PRKG1: variants seen among roughly 807,000 people sequenced by gnomAD.
PRKG1 encodes protein kinase cGMP-dependent 1, also known as cGMP-dependent protein kinase 1.
PRKG1 carries 35 observed loss-of-function variants against 88.1 expected under a neutral mutation model. The ratio of observed to expected loss-of-function variants is 0.40; its 90% CI spans 0.30 to 0.53. PRKG1 has a LOEUF of 0.53. PRKG1 is among the 20% of genes least tolerant of loss of function. The probability of loss-of-function intolerance (pLI) is 0.59; values close to 1 mark genes in which losing one functional copy is unlikely to be tolerated. For missense variants in PRKG1, 540 were observed against 839.8 expected, an observed-to-expected ratio of 0.64 and a Z score of 4.41; for synonymous variants, 303 against 292.5, an observed-to-expected ratio of 1.04 and a Z score of -0.37.
intron 1 of PRKG1, among the ~76,000 whole-genome samples, chr10:51,094,802 G>A (rs1844490243): frequency 6.6e-6 from 1 of 152,052 alleles, no homozygotes; most frequent in Non-Finnish European, 1.5e-5. Context: ...TTTGATTTTG[G>A]CTTTATGTGT....
At chr10:51,040,280 T>A (rs1421815944) in intron 1 of PRKG1, among the ~76,000 whole-genome samples, 1 of 140,934 alleles carries the variant, frequency 7.1e-6, no homozygotes, top group East Asian at 2.1e-4. Context: ...GTGACCTCTT[T>A]AATTTCTTTC....
intron 4 of PRKG1, among the ~76,000 whole-genome samples, chr10:51,839,751 A>T (rs1039320229): frequency 6.6e-6 from 1 of 152,142 alleles, no homozygotes; most frequent in Non-Finnish European, 1.5e-5. Flanking sequence ...GTCGTTCTTT[A>T]GGTGAAGTAA....
chr10:51,563,081 G>T (rs1407345843), intron 3 of PRKG1, among the ~76,000 whole-genome samples: 5 of 152,038 alleles, frequency 3.3e-5, no homozygotes, highest in Non-Finnish European at 7.4e-5. Flanking sequence ...CACCTAACCA[G>T]CATCATACTT....
chr10:51,838,772 A>AT (rs1246025724), intron 4 of PRKG1, among the ~76,000 whole-genome samples: 1 of 152,118 alleles, frequency 6.6e-6, no homozygotes, highest in Non-Finnish European at 1.5e-5. Context: ...AGAAAAAAAA[A>AT]ATCACGCTAC....
chr10:51,263,726 G>A (rs1839773075), intron 2 of PRKG1, among the ~76,000 whole-genome samples: 1 of 152,178 alleles, frequency 6.6e-6, no homozygotes, highest in Non-Finnish European at 1.5e-5. Context: ...GAAAAGGAGT[G>A]ATATTTTTTA....
rs960659130 is a variant in PRKG1, at chr10:52,248,843, G to T, written c.1077-2727G>T. ...AAAGTAACTGCCTTATAACTTTTGC[G>T]CCCTGTATCTGCCTTTTGTTAGCAA... On this transcript the variant is annotated intron_variant, in intron 9 of 17. Coordinates refer to ENST00000373980, the MANE Select transcript of PRKG1 (RefSeq NM_006258.4). Among the ~76,000 whole-genome samples the T allele has an allele frequency of 4.6e-5, 7 of 151,882 alleles. 1 individual carries two copies. The East Asian group carries it at 1.4e-3, about 29-fold the overall frequency.
In PRKG1 at chr10:51,623,848, T is replaced by C. The variant is rs74638307; in HGVS notation, c.592+156012T>C. Among the ~76,000 whole-genome samples, 35 of 152,254 alleles carry C rather than the reference T, an allele frequency of 2.3e-4. No individual in the cohort carries two copies. In the East Asian group the frequency reaches 6.6e-3, roughly 29 times the overall value. On this transcript the variant is annotated intron_variant, in intron 3 of 17. Coordinates refer to ENST00000373980, the MANE Select transcript of PRKG1 (RefSeq NM_006258.4). ...CCTGAAGCTGGTGATCACTCTGACG[T>C]TGGGTTCTAATGTTTTGTTTTGCTT...
intron 2 of PRKG1, among the ~76,000 whole-genome samples, chr10:51,166,164 C>A (rs1043217977): frequency 6.6e-6 from 1 of 151,526 alleles, no homozygotes; most frequent in Non-Finnish European, 1.5e-5. Flanking sequence ...TTTATGCGAT[C>A]CTTGATGGTT....
chr10:51,737,771 A>ATTATTATTG (rs1837327296), intron 3 of PRKG1, among the ~76,000 whole-genome samples: 1 of 140,140 alleles, frequency 7.1e-6, no homozygotes, highest in East Asian at 2.0e-4. Context: ...TATTATTATT[A>ATTATTATTG]TTATTTTCTG....
chr10:51,180,891 T>C (rs1033008605), intron 2 of PRKG1, among the ~76,000 whole-genome samples: 2 of 152,228 alleles, frequency 1.3e-5, no homozygotes, highest in Non-Finnish European at 2.9e-5. Context: ...TATGTGTTCT[T>C]AATTTCTGTA....
chr10:51,969,970 C>T (rs1010005624), intron 5 of PRKG1, among the ~76,000 whole-genome samples: 4 of 150,160 alleles, frequency 2.7e-5, no homozygotes, highest in African/African-American at 9.8e-5. Context: ...CTAAATTTTA[C>T]TCTGTTTGCT....
chr10:51,811,640 C>T (rs568801863), intron 4 of PRKG1, among the ~76,000 whole-genome samples: 2 of 152,114 alleles, frequency 1.3e-5, no homozygotes, highest in Non-Finnish European at 2.9e-5. Context: ...TGAAATTTTA[C>T]TATCCCAGAA....
At chr10:52,261,811 T>C (rs1050515347) in intron 10 of PRKG1, among the ~76,000 whole-genome samples, 15 of 152,118 alleles carry the variant, frequency 9.9e-5, no homozygotes, top group Middle Eastern at 3.2e-3. Flanking sequence ...TATTTTTTGT[T>C]ATTGTTGTTG....
At chr10:51,041,974 C>A (rs930661147) in intron 1 of PRKG1, among the ~76,000 whole-genome samples, 1 of 152,168 alleles carries the variant, frequency 6.6e-6, no homozygotes, top group Non-Finnish European at 1.5e-5. Flanking sequence ...GGACAGGGAG[C>A]ACACCCTGCC....
intron 2 of PRKG1, among the ~76,000 whole-genome samples, chr10:51,426,213 A>G (rs915496914): frequency 1.3e-5 from 2 of 152,070 alleles, no homozygotes; most frequent in African/African-American, 4.8e-5. Context: ...CCTGGGAGGC[A>G]GAGGTTGCAG....
intron 5 of PRKG1, among the ~76,000 whole-genome samples, chr10:51,931,151 T>C (rs955665488): frequency 1.3e-5 from 2 of 152,186 alleles, no homozygotes; most frequent in Non-Finnish European, 2.9e-5. Flanking sequence ...AACTGAATAT[T>C]CAATTTTTGT....
intron 2 of PRKG1, among the ~76,000 whole-genome samples, chr10:51,192,765 G>A (rs1029588441): frequency 6.6e-6 from 1 of 151,840 alleles, no homozygotes; most frequent in Non-Finnish European, 1.5e-5. Context: ...CTTGGAAAAA[G>A]GGACCACTTG....
At chr10:52,258,876 A>T (rs1841367618) in intron 10 of PRKG1, among the ~76,000 whole-genome samples, 1 of 152,082 alleles carries the variant, frequency 6.6e-6, no homozygotes, top group Non-Finnish European at 1.5e-5. Flanking sequence ...GCCTGGGAAG[A>T]TATACAGAAC....
chr10:51,698,730 C>T (rs373764648), intron 3 of PRKG1: 15 of 1,614,084 alleles, frequency 9.3e-6, no homozygotes, highest in African/African-American at 2.7e-5. Flanking sequence ...GGACCAGCTC[C>T]GGGAACTGCA....
Sources: gnomAD v4.1 joint callset for allele counts (sites outside exome capture counted in the v4.1 genomes callset) on GRCh38, gnomAD v4.1.1 for gene constraint, MANE v1.5 for transcripts, NCBI Gene and HGNC (gene_info 2026-07-23, HGNC 2026-07-21) for gene names.